The following DCC variants were observed in gnomAD, a reference collection of about 807,000 sequenced individuals.
DCC encodes DCC netrin 1 receptor, also known as netrin receptor DCC.
Under a neutral mutation model 172.5 loss-of-function variants are expected in DCC, and 58 were observed. That is an observed-to-expected ratio of 0.34 (90% CI 0.27 to 0.42). The LOEUF (loss-of-function observed/expected upper bound fraction) is 0.42. Ranked by LOEUF, DCC falls within the 10% of genes least tolerant of loss-of-function variation. The probability of loss-of-function intolerance (pLI) is 1.00; values close to 1 mark genes in which losing one functional copy is unlikely to be tolerated. For synonymous variants in DCC, 709 were observed against 644.5 expected (o/e 1.10, Z -1.52); for missense variants, 1,740 against 1,791.0 (o/e 0.97, Z 0.51).
intron 15 of DCC, among the ~76,000 whole-genome samples, chr18:53,343,596 A>T (rs2057686856): frequency 6.6e-6 from 1 of 151,912 alleles, no homozygotes; most frequent in South Asian, 2.1e-4. Flanking sequence ...TCAGTAGGTT[A>T]TATATTTGTC....
intron 1 of DCC, among the ~76,000 whole-genome samples, chr18:52,543,970 C>T (rs2032538862): frequency 6.6e-6 from 1 of 152,180 alleles, no homozygotes; most frequent in Non-Finnish European, 1.5e-5. Context: ...CTATGAAACG[C>T]TTACAAAAGA....
rs1482204683 is a variant in DCC, at chr18:53,255,861, C to A, written c.1911+40264C>A. ...AAAACTGTTCCTATTTCTCCACATC[C>A]TCTCCAGCACCTGTTGTTTCCTGAC... On this transcript the variant is annotated intron_variant, in intron 12 of 28. Transcript: ENST00000442544. 2.0e-5 allele frequency among the ~76,000 whole-genome samples: 3 copies of A among 152,274 alleles called. No homozygotes were observed. The South Asian group carries it at 6.2e-4, about 32-fold the overall frequency.
intron 27 of DCC, among the ~76,000 whole-genome samples, chr18:53,518,785 G>C (rs573074912): frequency 2.0e-5 from 3 of 152,150 alleles, no homozygotes; most frequent in African/African-American, 4.8e-5. Flanking sequence ...CCCTGGATAG[G>C]GGAAATTCTG....
intron 7 of DCC, among the ~76,000 whole-genome samples, chr18:53,100,736 G>C (rs1358536535): frequency 6.6e-6 from 1 of 152,040 alleles, no homozygotes; most frequent in Admixed American, 6.6e-5. Flanking sequence ...TAGTTGTGCT[G>C]GTCCCATCTC....
rs1432921817 is a variant in DCC, at chr18:53,351,307, ATATATATACACTG to A, written c.2359+11409_2359+11421del. 1.1e-3 allele frequency among the ~76,000 whole-genome samples: 34 copies of A among 31,952 alleles called. 1 individual carries two copies. The highest frequency in any genetic ancestry group is 1.9e-3 in the East Asian group (2 of 1,026). 21.0% of individuals were successfully genotyped at this position (31,952 alleles called of 152,430 possible). ...TTGAGTACAGTATATATATATATATATATATATACACTGTATATATATATACAGTGTATATATA... is the reference window on the plus strand; with the variant it reads ...TTGAGTACAGTATATATATATATATATATATATATATACAGTGTATATATA... On this transcript the variant is annotated intron_variant, in intron 15 of 28. Transcript: ENST00000442544.
chr18:52,342,754 C>T (rs1384865139), intron 1 of DCC, among the ~76,000 whole-genome samples: 1 of 152,148 alleles, frequency 6.6e-6, no homozygotes, highest in Non-Finnish European at 1.5e-5. Flanking sequence ...GATGTCTTGT[C>T]AATTACACGA....
intron 2 of DCC, among the ~76,000 whole-genome samples, chr18:52,780,394 T>C (rs1300542725): frequency 6.6e-6 from 1 of 152,140 alleles, no homozygotes; most frequent in East Asian, 1.9e-4. Context: ...ATATATAGTC[T>C]CTAGAGGTAT....
At chr18:53,492,799 A>G (rs2045973811) in intron 26 of DCC, among the ~76,000 whole-genome samples, 1 of 152,090 alleles carries the variant, frequency 6.6e-6, no homozygotes, top group Non-Finnish European at 1.5e-5. Flanking sequence ...TCTCTTGGCT[A>G]TATGAGCTCT....
intron 12 of DCC, among the ~76,000 whole-genome samples, chr18:53,285,848 C>T (rs1213261087): frequency 2.0e-5 from 3 of 152,232 alleles, no homozygotes; most frequent in Non-Finnish European, 2.9e-5. Context: ...TCAGCATGAC[C>T]TGTATGTGAG....
intron 1 of DCC, among the ~76,000 whole-genome samples, chr18:52,389,738 A>G (rs1054534393): frequency 4.6e-5 from 7 of 152,084 alleles, no homozygotes; most frequent in Non-Finnish European, 1.0e-4. Flanking sequence ...ATCTTGTTGG[A>G]TCACTGAATC....
At chr18:53,018,709 A>G (rs1171473260) in intron 5 of DCC, among the ~76,000 whole-genome samples, 1 of 152,162 alleles carries the variant, frequency 6.6e-6, no homozygotes, top group African/African-American at 2.4e-5. Flanking sequence ...TGAATAGATG[A>G]AAGAACAAAT....
intron 12 of DCC, among the ~76,000 whole-genome samples, chr18:53,242,527 C>G (rs747375237): frequency 2.0e-5 from 3 of 152,156 alleles, no homozygotes; most frequent in Non-Finnish European, 4.4e-5. Context: ...CTACTGTAAG[C>G]TTTCTTCATG....
At chr18:53,491,681 A>G (rs2045961456) in intron 26 of DCC, among the ~76,000 whole-genome samples, 1 of 152,196 alleles carries the variant, frequency 6.6e-6, no homozygotes, top group South Asian at 2.1e-4. Context: ...GCTGCATTGT[A>G]TTCCATGGTG....
At chr18:52,951,344 C>T (rs2040643193) in intron 5 of DCC, among the ~76,000 whole-genome samples, 1 of 152,084 alleles carries the variant, frequency 6.6e-6, no homozygotes, top group East Asian at 1.9e-4. Context: ...TATACATGTG[C>T]CACGGTGGTT....
At chr18:52,682,579 T>G (rs571231046) in intron 1 of DCC, among the ~76,000 whole-genome samples, 1 of 152,228 alleles carries the variant, frequency 6.6e-6, no homozygotes, top group South Asian at 2.1e-4. Context: ...ATACATTCCT[T>G]ATTTCACTAA....
At chr18:52,951,428 C>G (rs1331275158) in intron 5 of DCC, among the ~76,000 whole-genome samples, 1 of 151,856 alleles carries the variant, frequency 6.6e-6, no homozygotes, top group Non-Finnish European at 1.5e-5. Flanking sequence ...TGCTCTCCTT[C>G]CCCTTGCCTC....
chr18:52,887,094 G>A (rs2039581082), intron 2 of DCC, among the ~76,000 whole-genome samples: 1 of 152,128 alleles, frequency 6.6e-6, no homozygotes, highest in Non-Finnish European at 1.5e-5. Context: ...GAGAACACGG[G>A]CATGTTGAAT....
chr18:53,039,924 T>A (rs188678807), intron 5 of DCC, among the ~76,000 whole-genome samples: 1 of 151,998 alleles, frequency 6.6e-6, no homozygotes, highest in Non-Finnish European at 1.5e-5. Context: ...ATATCTATTG[T>A]CTGTGCAGCT....
At chr18:52,727,795 C>T (rs2036574341) in intron 1 of DCC, among the ~76,000 whole-genome samples, 1 of 151,992 alleles carries the variant, frequency 6.6e-6, no homozygotes, top group African/African-American at 2.4e-5. Context: ...CTGAAATGTA[C>T]ACATTTGTTA....
Sources: gnomAD v4.1 joint callset for allele counts (sites outside exome capture counted in the v4.1 genomes callset) on GRCh38, gnomAD v4.1.1 for gene constraint, MANE v1.5 for transcripts, NCBI Gene and HGNC (gene_info 2026-07-23, HGNC 2026-07-21) for gene names.